The following SULF1 variants were observed in gnomAD, a reference collection of about 807,000 sequenced individuals.
The protein encoded by SULF1 is extracellular sulfatase Sulf-1.
A neutral mutation model predicts 110.5 loss-of-function variants in SULF1; 46 were observed. That is an observed-to-expected ratio of 0.42 (90% CI 0.33 to 0.53). The LOEUF is 0.53. Among genes scored for constraint, SULF1 ranks in the 20% least tolerant of loss-of-function variants. The pLI, the probability that SULF1 is intolerant of heterozygous loss-of-function variation, is 0.12. For missense variants in SULF1, 941 were observed against 1,094.2 expected, an observed-to-expected ratio of 0.86 and a Z score of 1.98; for synonymous variants, 371 against 387.1, an observed-to-expected ratio of 0.96 and a Z score of 0.49.
intron 3 of SULF1, among the ~76,000 whole-genome samples, chr8:69,552,987 A>G (rs951784607): frequency 6.6e-6 from 1 of 152,230 alleles, no homozygotes; most frequent in African/African-American, 2.4e-5. Context: ...ACACAGGGAC[A>G]CTATTCACTG....
chr8:69,507,380 T>C (rs1811268834), intron 3 of SULF1, among the ~76,000 whole-genome samples: 2 of 152,186 alleles, frequency 1.3e-5, no homozygotes, highest in African/African-American at 4.8e-5. Flanking sequence ...AAGCATTTGA[T>C]CTATGTTGAT....
chr8:69,474,830 T>C (rs1809234230), intron 1 of SULF1, among the ~76,000 whole-genome samples: 1 of 152,188 alleles, frequency 6.6e-6, no homozygotes, highest in African/African-American at 2.4e-5. Flanking sequence ...AAAAGGTTGT[T>C]ATAAAGATTA....
intron 13 of SULF1, among the ~76,000 whole-genome samples, chr8:69,618,012 A>G (rs1009724747): frequency 6.6e-6 from 1 of 152,216 alleles, no homozygotes; most frequent in African/African-American, 2.4e-5. Context: ...ATCCAGCTGC[A>G]AAACTGTCCA....
intron 6 of SULF1, among the ~76,000 whole-genome samples, chr8:69,578,346 ATTTAT>A (rs1353917004): frequency 6.6e-6 from 1 of 151,920 alleles, no homozygotes; most frequent in African/African-American, 2.4e-5. Context: ...TTATTTGTTT[ATTTAT>A]TTTATTTTAT....
At chr8:69,506,417 T>G (rs1221697766) in intron 3 of SULF1, among the ~76,000 whole-genome samples, 1 of 152,242 alleles carries the variant, frequency 6.6e-6, no homozygotes, top group Non-Finnish European at 1.5e-5. Context: ...AATGTTAGTA[T>G]GTACAAGCAC....
At chr8:69,543,845 C>A (rs4737283) in intron 3 of SULF1, among the ~76,000 whole-genome samples, 85,594 of 152,020 alleles carry the variant, frequency 0.56, 24,300 homozygotes, top group East Asian at 0.66. Context: ...ACAGGTGTAC[C>A]AAGATATCTA....
upstream of SULF1, among the ~76,000 whole-genome samples, chr8:69,489,053 A>G (rs965788687): frequency 6.6e-6 from 1 of 152,162 alleles, no homozygotes; most frequent in African/African-American, 2.4e-5. Context: ...GGACATATCT[A>G]TGAAAGCAGG....
chr8:69,532,432 T>C (rs914861241), intron 3 of SULF1, among the ~76,000 whole-genome samples: 4 of 152,138 alleles, frequency 2.6e-5, no homozygotes, highest in African/African-American at 9.7e-5. Context: ...TCCATTAGCA[T>C]TGTGAGAAAC....
chr8:69,504,572 A>T (rs1408264592), intron 3 of SULF1, among the ~76,000 whole-genome samples: 1 of 152,150 alleles, frequency 6.6e-6, no homozygotes, highest in East Asian at 1.9e-4. Flanking sequence ...ATAAATAAAT[A>T]AAATAAGTGT....
At position 69,660,777 on chromosome 8, in the gene SULF1, A is replaced by G. The variant is rs1813048838; in HGVS notation, c.*2242A>G. On this transcript the variant is annotated 3_prime_UTR_variant, in exon 23 of 23. Transcript: ENST00000402687. ...ATGATCATGAATAATGTGCTTTGTA[A>G]AAAGATTTCAAGTTATTAGGAAGCA... 1 of 152,658 alleles carries G rather than the reference A, an allele frequency of 6.6e-6. No individual in the cohort carries two copies. The highest frequency in any genetic ancestry group is 1.5e-5 in the Non-Finnish European group (1 of 68,048). 9.5% of individuals were successfully genotyped at this position (152,658 alleles called of 1,614,324 possible).
chr8:69,503,936 A>T (rs899030525), intron 3 of SULF1, among the ~76,000 whole-genome samples: 4 of 152,030 alleles, frequency 2.6e-5, no homozygotes, highest in African/African-American at 9.7e-5. Flanking sequence ...AGTAGCTGGA[A>T]CTACAGACAC....
intron 3 of SULF1, among the ~76,000 whole-genome samples, chr8:69,521,767 T>C (rs1812315168): frequency 6.6e-6 from 1 of 151,222 alleles, no homozygotes; most frequent in Admixed American, 6.6e-5. Context: ...AAACATACAT[T>C]CCAACTTACA....
chr8:69,645,889 T>G (rs1318700535), intron 22 of SULF1, among the ~76,000 whole-genome samples: 2 of 152,038 alleles, frequency 1.3e-5, no homozygotes, highest in Non-Finnish European at 2.9e-5. Flanking sequence ...TAAAAATAGT[T>G]AATTATTTAT....
intron 22 of SULF1, among the ~76,000 whole-genome samples, chr8:69,658,015 G>A (rs1417531885): frequency 6.6e-6 from 1 of 152,216 alleles, no homozygotes; most frequent in African/African-American, 2.4e-5. Flanking sequence ...TATACTGAGT[G>A]TTAGGGAATA....
intron 3 of SULF1, among the ~76,000 whole-genome samples, chr8:69,542,360 A>T (rs1813912662): frequency 6.6e-6 from 1 of 152,184 alleles, no homozygotes; most frequent in Non-Finnish European, 1.5e-5. Flanking sequence ...CAGTGAAAAT[A>T]TTCACAGAAC....
intron 22 of SULF1, 70 bp from the exon 23 acceptor site, chr8:69,658,435 A>C (rs1320352067): frequency 1.7e-5 from 19 of 1,099,198 alleles, no homozygotes; most frequent in Non-Finnish European, 2.4e-5. Flanking sequence ...AAAACAATGT[A>C]AGTTGCTTGT....
Position 69,638,577 on chromosome 8 carries a change from A to C in SULF1, c.2360A>C (p.Asn787Thr), listed in dbSNP as rs1443992636. The change falls in exon 20 of 23, where the codon AAT becomes ACT. Residue 787 changes from asparagine to threonine, a missense_variant. Around this residue, in one of 3 missense-constraint regions of SULF1, gnomAD observed 112 missense variants for 133.5 expected, o/e 0.84. Transcript: ENST00000402687. ...TTGCGTACAGTTAATGAGACGCATA[A>C]TTTTCTTTTCTGTGAGTTTGCTACT... is the stretch of plus-strand genomic sequence containing the variant. ...WCLRTVNETHNFLFCEFATGF... is the reference protein window; with the variant it reads ...WCLRTVNETHTFLFCEFATGF... The C allele has an allele frequency of 6.2e-7, 1 of 1,614,086 alleles. No individual in the cohort carries two copies. Among genetic ancestry groups the C allele is most frequent in the East Asian group, 2.2e-5 (1 of 44,866 alleles).
intron 19 of SULF1, among the ~76,000 whole-genome samples, chr8:69,635,592 C>G (rs1407858305): frequency 6.6e-6 from 1 of 152,112 alleles, no homozygotes; most frequent in Non-Finnish European, 1.5e-5. Flanking sequence ...AAACTCTTGC[C>G]CGGGTGTGGT....
chr8:69,573,268 A>G (rs974978669), intron 5 of SULF1, among the ~76,000 whole-genome samples: 5 of 152,330 alleles, frequency 3.3e-5, no homozygotes, highest in African/African-American at 1.2e-4. Context: ...GGAGCCCTAC[A>G]CAATCAGCTC....
Sources: allele counts gnomAD v4.1 joint callset (sites outside exome capture counted in the v4.1 genomes callset), GRCh38; gene constraint gnomAD v4.1.1; regional missense constraint gnomAD v4.1.1; transcripts MANE v1.5; gene names NCBI Gene and HGNC (gene_info 2026-07-23, HGNC 2026-07-21).